LRP1B: variants seen among roughly 807,000 people sequenced by gnomAD.
LRP1B encodes the protein low-density lipoprotein receptor-related protein 1B.
In LRP1B, 217 loss-of-function variants were observed where a neutral mutation model predicts 556.6. The ratio of observed to expected loss-of-function variants is 0.39; its 90% CI spans 0.35 to 0.44. The LOEUF (loss-of-function observed/expected upper bound fraction) is 0.44. LRP1B is among the 20% of genes least tolerant of loss of function. LRP1B has a pLI of 1.00. For synonymous variants in LRP1B, 2,047 were observed against 1,865.8 expected (o/e 1.10, Z -2.50); for missense variants, 5,053 against 5,620.8 (o/e 0.90, Z 3.23).
chr2:141,816,436 T>G (rs191133527), intron 1 of LRP1B, among the ~76,000 whole-genome samples: 2 of 152,354 alleles, frequency 1.3e-5, no homozygotes, highest in Admixed American at 1.3e-4. Flanking sequence ...AGATGCTTTC[T>G]GCCTTCAAAC....
At chr2:141,845,447 TA>T (rs2105766114) in intron 1 of LRP1B, among the ~76,000 whole-genome samples, 1 of 152,124 alleles carries the variant, frequency 6.6e-6, no homozygotes, top group South Asian at 2.1e-4. Context: ...TTCCGCAAGA[TA>T]ATAGCTATTC....
intron 22 of LRP1B, among the ~76,000 whole-genome samples, chr2:140,903,747 C>T (rs1694169112): frequency 6.6e-6 from 1 of 150,748 alleles, no homozygotes; most frequent in Admixed American, 6.6e-5. Flanking sequence ...ATACATTGTG[C>T]CTCATATATT....
In LRP1B at chr2:140,614,644, T is replaced by C. The variant is rs750863308; in HGVS notation, c.6800-13005A>G. On this transcript the variant is annotated intron_variant, in intron 41 of 90. Transcript: ENST00000389484. ...AAGAGAAGAAAAAGTTATAAGCTGA[T>C]GGCTGGAGAGAAAAATTTGAGGAGA... Among the ~76,000 whole-genome samples the C allele has an allele frequency of 8.2e-4, 125 of 152,254 alleles. 1 individual carries two copies. The highest frequency in any genetic ancestry group is 1.3e-4 in the Non-Finnish European group (9 of 67,996).
At chr2:141,572,949 A>C (rs532988793) in intron 2 of LRP1B, among the ~76,000 whole-genome samples, 16 of 152,308 alleles carry the variant, frequency 1.1e-4, no homozygotes, top group African/African-American at 3.6e-4. Flanking sequence ...CCAGATTCAT[A>C]AAACAAGTTC....
At chr2:141,261,494 C>T (rs184324414) in intron 3 of LRP1B, among the ~76,000 whole-genome samples, 10 of 152,172 alleles carry the variant, frequency 6.6e-5, no homozygotes, top group East Asian at 3.9e-4. Context: ...CAAAATACCC[C>T]CTTTGCACCT....
intron 41 of LRP1B, among the ~76,000 whole-genome samples, chr2:140,647,995 T>C (rs189631274): frequency 6.6e-6 from 1 of 152,260 alleles, no homozygotes; most frequent in Admixed American, 6.5e-5. Context: ...CACATGTATG[T>C]TTATTGCAGC....
At chr2:141,378,352 A>C (rs928388391) in intron 3 of LRP1B, among the ~76,000 whole-genome samples, 1 of 152,198 alleles carries the variant, frequency 6.6e-6, no homozygotes, top group Non-Finnish European at 1.5e-5. Flanking sequence ...CACGAGTAAA[A>C]CTACAGGAAA....
At chr2:140,838,732 A>C (rs10168380) in intron 31 of LRP1B, among the ~76,000 whole-genome samples, 6,418 of 152,234 alleles carry the variant, frequency 0.042, 442 homozygotes, top group African/African-American at 0.14. Context: ...TTATGATAAT[A>C]ATATCAAAAT....
At chr2:141,620,093 C>T (rs1688448825) in intron 2 of LRP1B, among the ~76,000 whole-genome samples, 2 of 152,184 alleles carry the variant, frequency 1.3e-5, no homozygotes, top group African/African-American at 2.4e-5. Flanking sequence ...GCTGGAATTA[C>T]AGGCAGATGC....
At chr2:141,087,765 T>C (rs528018205) in intron 7 of LRP1B, among the ~76,000 whole-genome samples, 6 of 152,280 alleles carry the variant, frequency 3.9e-5, no homozygotes, top group African/African-American at 1.4e-4. Context: ...CCGGATCAAT[T>C]TAGAATGAGC....
intron 66 of LRP1B, among the ~76,000 whole-genome samples, chr2:140,425,695 C>T (rs542726130): frequency 2.6e-5 from 4 of 152,230 alleles, no homozygotes; most frequent in East Asian, 3.9e-4. Context: ...AGTGAGCCAC[C>T]GTACCCGTCC....
At chr2:141,357,879 G>C (rs1426127725) in intron 3 of LRP1B, among the ~76,000 whole-genome samples, 1 of 152,114 alleles carries the variant, frequency 6.6e-6, no homozygotes, top group Non-Finnish European at 1.5e-5. Context: ...TTCTTTAACA[G>C]TATACATTAT....
chr2:141,147,916 T>C (rs59691536), intron 7 of LRP1B, among the ~76,000 whole-genome samples: 4,065 of 152,314 alleles, frequency 0.027, 196 homozygotes, highest in African/African-American at 0.093. Context: ...GTTATAACTG[T>C]CTACAGCATT....
At chr2:141,903,839 G>A (rs1011608755) in intron 1 of LRP1B, among the ~76,000 whole-genome samples, 12 of 151,920 alleles carry the variant, frequency 7.9e-5, no homozygotes, top group South Asian at 2.1e-4. Context: ...TGGTAGTTAC[G>A]TGGTAGATGT....
chr2:141,555,051 T>C (rs1341662046), intron 2 of LRP1B, among the ~76,000 whole-genome samples: 2 of 151,982 alleles, frequency 1.3e-5, no homozygotes, highest in Non-Finnish European at 2.9e-5. Context: ...AAGGGGAAGA[T>C]GCCCAGACGT....
intron 1 of LRP1B, among the ~76,000 whole-genome samples, chr2:141,946,293 G>T (rs1700953015): frequency 6.6e-6 from 1 of 152,034 alleles, no homozygotes; most frequent in Admixed American, 6.6e-5. Context: ...ATCTGCTTCT[G>T]CAGGACTCAA....
At chr2:140,900,708 G>A (rs1034548304) in intron 23 of LRP1B, among the ~76,000 whole-genome samples, 1 of 151,962 alleles carries the variant, frequency 6.6e-6, no homozygotes, top group Non-Finnish European at 1.5e-5. Context: ...TTCAAAGTTT[G>A]TATTATTTTA....
intron 11 of LRP1B, among the ~76,000 whole-genome samples, chr2:141,046,443 CATT>C (rs1698872210): frequency 6.6e-6 from 1 of 152,040 alleles, no homozygotes; most frequent in African/African-American, 2.4e-5. Flanking sequence ...TAATGTGTAT[CATT>C]ATTCTCTTTA....
At chr2:141,970,782 A>G (rs1456525729) in intron 1 of LRP1B, among the ~76,000 whole-genome samples, 1 of 151,522 alleles carries the variant, frequency 6.6e-6, no homozygotes, top group African/African-American at 2.4e-5. Flanking sequence ...GTAATTTCCA[A>G]AGGATAAAGA....
Sources: gnomAD v4.1 joint callset for allele counts (sites outside exome capture counted in the v4.1 genomes callset) on GRCh38, gnomAD v4.1.1 for gene constraint, MANE v1.5 for transcripts, NCBI Gene and HGNC (gene_info 2026-07-23, HGNC 2026-07-21) for gene names.